The following CYRIA variants were observed in gnomAD, a reference collection of about 807,000 sequenced individuals.
The protein encoded by CYRIA is CYFIP related Rac1 interactor A, also known as CYFIP-related Rac1 interactor A.
A neutral mutation model predicts 43.9 loss-of-function variants in CYRIA; 15 were observed. The ratio of observed to expected loss-of-function variants is 0.34; its 90% CI spans 0.23 to 0.53. The LOEUF is 0.53. Among genes scored for constraint, CYRIA ranks in the 20% least tolerant of loss-of-function variants. The probability of loss-of-function intolerance (pLI) is 0.94; values close to 1 mark genes in which losing one functional copy is unlikely to be tolerated. For synonymous variants in CYRIA, 117 were observed against 136.0 expected (o/e 0.86, Z 0.97); for missense variants, 236 against 394.2 (o/e 0.60, Z 3.40).
At chr2:16,632,376 T>C (rs531567321) in intron 1 of CYRIA, among the ~76,000 whole-genome samples, 1 of 152,326 alleles carries the variant, frequency 6.6e-6, no homozygotes, top group East Asian at 1.9e-4. Flanking sequence ...CCAACAGGAA[T>C]ATGCTGAAGT....
chr2:16,657,156 A>C (rs1670137827), intron 1 of CYRIA, among the ~76,000 whole-genome samples: 1 of 152,260 alleles, frequency 6.6e-6, no homozygotes, highest in Non-Finnish European at 1.5e-5. Context: ...CTAGGGGCCA[A>C]GGAAGAGAAG....
In CYRIA at chr2:16,639,288, T is replaced by C. The variant is rs535333008; in HGVS notation, c.-166-15269A>G. 8.5e-5 allele frequency among the ~76,000 whole-genome samples: 13 copies of C among 152,390 alleles called. No individual in the cohort carries two copies. In the East Asian group the frequency reaches 2.5e-3, roughly 29 times the overall value. On this transcript the variant is annotated intron_variant, in intron 1 of 11. Transcript: ENST00000381323. The stretch of plus-strand genomic sequence containing the variant: ...CTTTCTTATTTCGCCAATGAATGTA[T>C]GTTTCCAATTTTAGATAAAAGAATG...
chr2:16,564,939 G>A (rs1572460615), intron 4 of CYRIA, among the ~76,000 whole-genome samples: 1 of 152,266 alleles, frequency 6.6e-6, no homozygotes, highest in Non-Finnish European at 1.5e-5. Flanking sequence ...GAACCTGCCT[G>A]AGTAATTACC....
At chr2:16,644,542 G>A (rs1211840198) in intron 1 of CYRIA, among the ~76,000 whole-genome samples, 1 of 152,166 alleles carries the variant, frequency 6.6e-6, no homozygotes, top group Non-Finnish European at 1.5e-5. Flanking sequence ...TGTTGCTGGG[G>A]CTTAACTACT....
intron 2 of CYRIA, among the ~76,000 whole-genome samples, chr2:16,621,901 T>C (rs10188832): frequency 0.26 from 39,910 of 152,032 alleles, 6,014 homozygotes; most frequent in East Asian, 0.71. Flanking sequence ...GATCCCTTGA[T>C]CCTACTTGAA....
intron 1 of CYRIA, among the ~76,000 whole-genome samples, chr2:16,633,920 C>T (rs2103525239): frequency 6.6e-6 from 1 of 152,164 alleles, no homozygotes; most frequent in Non-Finnish European, 1.5e-5. Flanking sequence ...AAGTGTTTCC[C>T]AAGGTTATAT....
At chr2:16,555,672 C>T (rs1666482240) in intron 10 of CYRIA, among the ~76,000 whole-genome samples, 1 of 152,106 alleles carries the variant, frequency 6.6e-6, no homozygotes, top group Non-Finnish European at 1.5e-5. Flanking sequence ...CTATTCTGAC[C>T]TCACTACCTT....
chr2:16,618,484 CA>C (rs936498939), intron 2 of CYRIA, among the ~76,000 whole-genome samples: 1 of 152,104 alleles, frequency 6.6e-6, no homozygotes, highest in Non-Finnish European at 1.5e-5. Flanking sequence ...TTAGGAAGAA[CA>C]AATAGGGCCC....
intron 1 of CYRIA, among the ~76,000 whole-genome samples, chr2:16,632,466 A>G (rs1572191125): frequency 1.7e-5 from 2 of 120,776 alleles, no homozygotes; most frequent in African/African-American, 7.6e-5. Context: ...CACACTCATG[A>G]GCCTCAATTT....
intron 2 of CYRIA, among the ~76,000 whole-genome samples, chr2:16,602,532 G>A (rs922617669): frequency 6.6e-6 from 1 of 152,122 alleles, no homozygotes; most frequent in Admixed American, 6.5e-5. Flanking sequence ...CATTTTACGG[G>A]TATAAGAACT....
At chr2:16,572,400 TG>T (rs1667164986) in intron 3 of CYRIA, among the ~76,000 whole-genome samples, 1 of 152,216 alleles carries the variant, frequency 6.6e-6, no homozygotes, top group African/African-American at 2.4e-5. Flanking sequence ...GTTCTGTTTT[TG>T]TTTGTTTGTT....
chr2:16,561,987 C>T lies in CYRIA; in HGVS notation c.435+18G>A, dbSNP rs746426096. The T allele has an allele frequency of 1.2e-6, 2 of 1,605,116 alleles. No homozygotes were observed. The highest frequency in any genetic ancestry group is 1.3e-5 in the African/African-American group (1 of 74,518). On this transcript the variant is annotated intron_variant, in intron 6 of 11. Transcript: ENST00000381323. ...TCAGTACAAGTTTATTAAATTTTCA[C>T]AGCACATTTGGCCTAACCTTCAGCT...
rs569548094 is a variant in CYRIA, at chr2:16,572,348, C to T, written c.71-6581G>A. ...AAAATGAATTTTTTTTTTTTTGTCACGGAATCTTTGTATTGCCATCAAAAA... is the reference window on the plus strand; with the variant it reads ...AAAATGAATTTTTTTTTTTTTGTCATGGAATCTTTGTATTGCCATCAAAAA... On this transcript the variant is annotated intron_variant, in intron 3 of 11. Transcript: ENST00000381323. 7.3e-5 allele frequency among the ~76,000 whole-genome samples: 11 copies of T among 150,188 alleles called. No homozygotes were observed. In the East Asian group the frequency reaches 1.4e-3, roughly 19 times the overall value.
chr2:16,587,966 A>T (rs1667793413), intron 3 of CYRIA, 84 bp downstream of exon 3: 1 of 844,376 alleles, frequency 1.2e-6, no homozygotes, highest in Admixed American at 2.5e-5. Flanking sequence ...CAACTATGAT[A>T]TAAATATTTA....
chr2:16,601,019 T>A (rs1014128117), intron 2 of CYRIA, among the ~76,000 whole-genome samples: 2 of 151,866 alleles, frequency 1.3e-5, no homozygotes, highest in Non-Finnish European at 2.9e-5. Flanking sequence ...CTTCAGAGAG[T>A]GTGGTCAGCT....
At chr2:16,616,182 G>C (rs1186549626) in intron 2 of CYRIA, among the ~76,000 whole-genome samples, 2 of 152,092 alleles carry the variant, frequency 1.3e-5, no homozygotes, top group Non-Finnish European at 2.9e-5. Flanking sequence ...GTGGGAACCC[G>C]CCACTTGAAC....
intron 2 of CYRIA, among the ~76,000 whole-genome samples, chr2:16,619,503 C>G (rs1364496105): frequency 6.6e-6 from 1 of 152,142 alleles, no homozygotes; most frequent in Non-Finnish European, 1.5e-5. Context: ...AGACTCAGGT[C>G]TCTGTAAAGC....
intron 2 of CYRIA, 147 bp from the exon 3 acceptor site, chr2:16,588,276 A>G: frequency 7.3e-6 from 4 of 547,720 alleles, no homozygotes; most frequent in Non-Finnish European, 1.3e-5. Context: ...GTAGCAACTC[A>G]TTTCTAAATT....
chr2:16,619,386 T>TAG (rs1221223357), intron 2 of CYRIA, among the ~76,000 whole-genome samples: 1 of 152,154 alleles, frequency 6.6e-6, no homozygotes, highest in African/African-American at 2.4e-5. Flanking sequence ...TATATAGATA[T>TAG]ATATATATAT....
Sources: allele counts gnomAD v4.1 joint callset (sites outside exome capture counted in the v4.1 genomes callset), GRCh38; gene constraint gnomAD v4.1.1; transcripts MANE v1.5; gene names NCBI Gene and HGNC (gene_info 2026-07-23, HGNC 2026-07-21).